ADGRL3: variants seen among roughly 807,000 people sequenced by gnomAD.
The protein encoded by ADGRL3 is calcium-independent alpha-latrotoxin receptor 3.
Under a neutral mutation model 153.5 loss-of-function variants are expected in ADGRL3, and 62 were observed. That is an observed-to-expected ratio of 0.40 (90% CI 0.33 to 0.50). The LOEUF is 0.50. ADGRL3 is among the 20% of genes least tolerant of loss of function. The pLI is 0.47. For synonymous variants in ADGRL3, 710 were observed against 672.5 expected (o/e 1.06, Z -0.86); for missense variants, 1,641 against 1,859.4 (o/e 0.88, Z 2.16).
At chr4:61,799,854 C>A (rs1331864695) in intron 8 of ADGRL3, among the ~76,000 whole-genome samples, 1 of 151,924 alleles carries the variant, frequency 6.6e-6, no homozygotes, top group Non-Finnish European at 1.5e-5. Context: ...GTGACAAGCA[C>A]CCTGCTTCTT....
chr4:61,898,456 G>A (rs2098644301), intron 11 of ADGRL3, among the ~76,000 whole-genome samples: 2 of 151,878 alleles, frequency 1.3e-5, no homozygotes, highest in Admixed American at 1.3e-4. Flanking sequence ...AGAGAGAGAG[G>A]GGCTCTAGAA....
chr4:61,884,102 T>G (rs1265822725), intron 9 of ADGRL3, among the ~76,000 whole-genome samples: 1 of 152,334 alleles, frequency 6.6e-6, no homozygotes, highest in African/African-American at 2.4e-5. Context: ...TGTCACATGA[T>G]AGTTGATTAA....
chr4:61,380,196 C>CTG lies in ADGRL3; in HGVS notation c.-239-2918_-239-2917dup, dbSNP rs776560218. ...ATGTATAGACACAGACTCACATTTTCTGTGTGTGTGTTTGTGTGTGTGTAT... is the reference window on the plus strand; with the variant it reads ...ATGTATAGACACAGACTCACATTTTCTGTGTGTGTGTGTTTGTGTGTGTGTAT... On this transcript the variant is annotated intron_variant, in intron 1 of 26. Coordinates refer to ENST00000683033, the MANE Select transcript of ADGRL3 (RefSeq NM_001387552.1). Among the ~76,000 whole-genome samples the CTG allele has an allele frequency of 4.1e-3, 616 of 151,808 alleles. 9 individuals are homozygous for CTG. The highest frequency in any genetic ancestry group is 1.6e-3 in the Non-Finnish European group (108 of 67,874).
At chr4:61,273,545 G>C (rs1197054287) in intron 1 of ADGRL3, among the ~76,000 whole-genome samples, 3 of 152,142 alleles carry the variant, frequency 2.0e-5, no homozygotes, top group Admixed American at 2.0e-4. Flanking sequence ...GCTACCATCT[G>C]TTTCCTAGCC....
chr4:61,869,859 A>G (rs1312569950), intron 9 of ADGRL3, among the ~76,000 whole-genome samples: 2 of 147,850 alleles, frequency 1.4e-5, no homozygotes, highest in African/African-American at 5.0e-5. Context: ...GATCGCTTGA[A>G]TCCAGGAGGC....
intron 9 of ADGRL3, among the ~76,000 whole-genome samples, chr4:61,848,571 A>G (rs1317201756): frequency 6.6e-6 from 1 of 152,074 alleles, no homozygotes; most frequent in African/African-American, 2.4e-5. Flanking sequence ...TTTCCAAATA[A>G]GGTCACATTC....
intron 2 of ADGRL3, among the ~76,000 whole-genome samples, chr4:61,458,812 A>G (rs952566958): frequency 6.6e-6 from 1 of 151,422 alleles, no homozygotes; most frequent in Admixed American, 6.6e-5. Context: ...TGTTCTCTAG[A>G]TAATTTATTT....
At chr4:61,904,464 G>T (rs1581393362) in intron 11 of ADGRL3, among the ~76,000 whole-genome samples, 1 of 151,940 alleles carries the variant, frequency 6.6e-6, no homozygotes, top group Non-Finnish European at 1.5e-5. Context: ...ATTATCTTTT[G>T]TATTGAGAAT....
At chr4:61,215,725 TG>T (rs2148928558) in intron 1 of ADGRL3, among the ~76,000 whole-genome samples, 1 of 151,994 alleles carries the variant, frequency 6.6e-6, no homozygotes, top group Non-Finnish European at 1.5e-5. Context: ...TTTATTTTTT[TG>T]TATTTTTAAT....
chr4:61,703,348 C>CA (rs1403507109), intron 6 of ADGRL3, among the ~76,000 whole-genome samples: 1 of 152,012 alleles, frequency 6.6e-6, no homozygotes, highest in Admixed American at 6.6e-5. Context: ...GATCCATTTA[C>CA]AATCCTCCTG....
intron 1 of ADGRL3, among the ~76,000 whole-genome samples, chr4:61,210,729 C>T (rs761149488): frequency 2.0e-5 from 3 of 152,056 alleles, no homozygotes; most frequent in Non-Finnish European, 2.9e-5. Context: ...TTGTCAATGG[C>T]TTATGGTTGT....
At chr4:61,364,030 C>T (rs2096344470) in intron 1 of ADGRL3, among the ~76,000 whole-genome samples, 1 of 151,872 alleles carries the variant, frequency 6.6e-6, no homozygotes, top group South Asian at 2.1e-4. Flanking sequence ...CTGGGTTTAT[C>T]ATAGTGAATG....
intron 1 of ADGRL3, among the ~76,000 whole-genome samples, chr4:61,345,787 A>G (rs2095888755): frequency 6.6e-6 from 1 of 152,224 alleles, no homozygotes; most frequent in Admixed American, 6.5e-5. Context: ...ATATTTGTGG[A>G]GGACAATTAT....
intron 5 of ADGRL3, among the ~76,000 whole-genome samples, chr4:61,588,460 A>G (rs948180687): frequency 6.6e-6 from 1 of 151,928 alleles, no homozygotes; most frequent in African/African-American, 2.4e-5. Flanking sequence ...TTATTTTTAT[A>G]AATTACTATT....
intron 2 of ADGRL3, among the ~76,000 whole-genome samples, chr4:61,398,966 C>T (rs541519521): frequency 6.6e-6 from 1 of 151,682 alleles, no homozygotes; most frequent in Non-Finnish European, 1.5e-5. Flanking sequence ...TTTCTTCCAT[C>T]ATTCTGTCTA....
chr4:61,376,881 T>C (rs559207083), intron 1 of ADGRL3, among the ~76,000 whole-genome samples: 90 of 152,152 alleles, frequency 5.9e-4, no homozygotes, highest in Non-Finnish European at 1.0e-3. Flanking sequence ...AAGGAATTGA[T>C]TGTGGCTATG....
In ADGRL3 at chr4:61,244,750, C is replaced by T. The variant is rs149271703; in HGVS notation, c.-240+42985C>T. Among the ~76,000 whole-genome samples, 80 of 152,062 alleles carry T rather than the reference C, an allele frequency of 5.3e-4. 1 individual carries two copies. The highest frequency in any genetic ancestry group is 5.6e-4 in the Non-Finnish European group (38 of 67,942). On this transcript the variant is annotated intron_variant, in intron 1 of 26. Transcript: ENST00000683033. ...AAAATAGGAATGATATTAGGAATCT[C>T]GAATAGTGGGTCAGAGAAGTAGACA...
intron 21 of ADGRL3, among the ~76,000 whole-genome samples, chr4:62,024,352 T>C (rs1717082314): frequency 6.6e-6 from 1 of 152,124 alleles, no homozygotes; most frequent in African/African-American, 2.4e-5. Context: ...TATTCTAAAA[T>C]GTTTGTGATG....
intron 9 of ADGRL3, among the ~76,000 whole-genome samples, chr4:61,826,547 T>C (rs761912639): frequency 1.3e-5 from 2 of 152,138 alleles, no homozygotes; most frequent in Non-Finnish European, 2.9e-5. Flanking sequence ...AGGATGTAGG[T>C]GGGACCTAAA....
Sources: gnomAD v4.1 joint callset for allele counts (sites outside exome capture counted in the v4.1 genomes callset) on GRCh38, gnomAD v4.1.1 for gene constraint, MANE v1.5 for transcripts, NCBI Gene and HGNC (gene_info 2026-07-23, HGNC 2026-07-21) for gene names.